MBNL1: variants seen among roughly 807,000 people sequenced by gnomAD.
The protein encoded by MBNL1 is muscleblind like splicing regulator 1, also known as muscleblind-like protein 1.
A neutral mutation model predicts 42.2 loss-of-function variants in MBNL1; 8 were observed. The observed-to-expected ratio is 0.19, with a 90% CI of 0.11 to 0.34. The LOEUF (loss-of-function observed/expected upper bound fraction) is 0.34. Among genes scored for constraint, MBNL1 ranks in the 10% least tolerant of loss-of-function variants. The pLI, the probability that MBNL1 is intolerant of heterozygous loss-of-function variation, is 1.00. For missense variants in MBNL1, 309 were observed against 495.3 expected, an observed-to-expected ratio of 0.62 and a Z score of 3.57; for synonymous variants, 169 against 173.9, an observed-to-expected ratio of 0.97 and a Z score of 0.22.
chr3:152,292,436 C>G (rs2056492418), intron 1 of MBNL1, among the ~76,000 whole-genome samples: 1 of 152,174 alleles, frequency 6.6e-6, no homozygotes, highest in African/African-American at 2.4e-5. Context: ...CTACAGTAGA[C>G]CACTAGGTGA....
chr3:152,293,786 T>C (rs1289728100), intron 1 of MBNL1, among the ~76,000 whole-genome samples: 1 of 152,212 alleles, frequency 6.6e-6, no homozygotes, highest in African/African-American at 2.4e-5. Context: ...ATATTTGCTT[T>C]AGAAGAACTT....
chr3:152,457,048 T>G (rs1032398238), intron 8 of MBNL1, among the ~76,000 whole-genome samples: 7 of 152,112 alleles, frequency 4.6e-5, no homozygotes, highest in Admixed American at 1.3e-4. Context: ...CCATGCAAAT[T>G]TATTGCAGGA....
chr3:152,441,958 A>G (rs908175394), intron 4 of MBNL1, among the ~76,000 whole-genome samples: 1 of 151,998 alleles, frequency 6.6e-6, no homozygotes, highest in African/African-American at 2.4e-5. Flanking sequence ...ATGCCCAGCT[A>G]ATTTTTGTAT....
At chr3:152,305,097 A>G (rs573106781) in intron 2 of MBNL1, among the ~76,000 whole-genome samples, 2 of 152,306 alleles carry the variant, frequency 1.3e-5, no homozygotes, top group South Asian at 4.1e-4. Flanking sequence ...TGTGGCACTT[A>G]CAGCTGAATT....
chr3:152,451,175 A>G (rs1147310), intron 6 of MBNL1, among the ~76,000 whole-genome samples: 1 of 151,436 alleles, frequency 6.6e-6, no homozygotes, highest in Non-Finnish European at 1.5e-5. Context: ...ATGTGTAGAT[A>G]TATTTTATTC....
At chr3:152,457,763 A>G (rs1306999712) in intron 8 of MBNL1, 1 of 198,058 alleles carries the variant, frequency 5.0e-6, no homozygotes, top group African/African-American at 2.3e-5. Context: ...AAGAACTCTC[A>G]TGCGTCTACC....
At chr3:152,401,957 G>A (rs1034895359) in intron 2 of MBNL1, among the ~76,000 whole-genome samples, 3 of 151,526 alleles carry the variant, frequency 2.0e-5, no homozygotes, top group African/African-American at 7.3e-5. Context: ...GCGTGAACCT[G>A]GGAGGCAGAG....
At position 152,302,828 on chromosome 3, in the gene MBNL1, C is replaced by G. The variant is rs566000120; in HGVS notation, c.174+2461C>G. Among the ~76,000 whole-genome samples the G allele has an allele frequency of 2.2e-4, 34 of 152,054 alleles. No individual in the cohort carries two copies. In the South Asian group the frequency reaches 6.7e-3, roughly 30 times the overall value. ...TCCATAGTCCAGCCTTTTCTGAGTT[C>G]TTGAGCCATGAGATGGAGGTGGCCT... On this transcript the variant is annotated intron_variant, in intron 2 of 9. Coordinates refer to ENST00000324210, the MANE Select transcript of MBNL1 (RefSeq NM_021038.5).
intron 2 of MBNL1, among the ~76,000 whole-genome samples, chr3:152,333,778 T>C (rs1463247953): frequency 6.6e-6 from 1 of 152,244 alleles, no homozygotes; most frequent in Non-Finnish European, 1.5e-5. Flanking sequence ...ATCTTAATTT[T>C]ATGTAAACAT....
In MBNL1 at chr3:152,333,651, A is replaced by G. The variant is rs1190018628; in HGVS notation, c.174+33284A>G. 2.6e-5 allele frequency among the ~76,000 whole-genome samples: 4 copies of G among 152,202 alleles called. 1 individual carries two copies. Among genetic ancestry groups the G allele is most frequent in the Admixed American group, 2.6e-4 (4 of 15,266 alleles). On this transcript the variant is annotated intron_variant, in intron 2 of 9. Coordinates refer to ENST00000324210, the MANE Select transcript of MBNL1 (RefSeq NM_021038.5). ...ATCAGATATACCCTATTAAATGGCA[A>G]TGTGTCTACCTTGTTAGGTTATTGT...
chr3:152,358,067 T>C (rs2095655610), intron 2 of MBNL1, among the ~76,000 whole-genome samples: 1 of 152,204 alleles, frequency 6.6e-6, no homozygotes, highest in Admixed American at 6.5e-5. Context: ...ATGAGTATGC[T>C]TGTAGGACGT....
chr3:152,399,558 G>C (rs1361892211), intron 2 of MBNL1, among the ~76,000 whole-genome samples: 3 of 151,764 alleles, frequency 2.0e-5, no homozygotes, highest in Non-Finnish European at 4.4e-5. Context: ...TGTCACCCAG[G>C]CTGGAGTATA....
chr3:152,244,894 C>A (rs530466805), intron 2 of MBNL1, among the ~76,000 whole-genome samples: 3 of 151,850 alleles, frequency 2.0e-5, no homozygotes, highest in African/African-American at 7.2e-5. Context: ...TGTTTTTACC[C>A]ACCGTGAAAA....
chr3:152,338,567 G>A, intron 2 of MBNL1: 1 of 985,302 alleles, frequency 1.0e-6, no homozygotes, highest in Non-Finnish European at 1.2e-6. Flanking sequence ...AGCAGGTGTT[G>A]GGATTTCTCC....
At chr3:152,349,085 G>C (rs2094619788) in intron 2 of MBNL1, among the ~76,000 whole-genome samples, 1 of 152,074 alleles carries the variant, frequency 6.6e-6, no homozygotes, top group Non-Finnish European at 1.5e-5. Context: ...GGCTGACAGG[G>C]AAGCAAGATC....
intron 2 of MBNL1, among the ~76,000 whole-genome samples, chr3:152,341,243 G>A (rs995245459): frequency 6.6e-6 from 1 of 152,134 alleles, no homozygotes; most frequent in African/African-American, 2.4e-5. Flanking sequence ...CAAGCTAGTG[G>A]TTAGCATTAT....
chr3:152,391,009 G>GTGC (rs1231799007), intron 2 of MBNL1, among the ~76,000 whole-genome samples: 2 of 152,192 alleles, frequency 1.3e-5, no homozygotes, highest in African/African-American at 4.8e-5. Flanking sequence ...TGTTCTCTAG[G>GTGC]TGCTAGGTAT....
At chr3:152,400,454 T>C (rs1383135127) in intron 2 of MBNL1, among the ~76,000 whole-genome samples, 2 of 152,252 alleles carry the variant, frequency 1.3e-5, no homozygotes, top group Non-Finnish European at 2.9e-5. Context: ...GTATAGAATC[T>C]ATTATTACTT....
At position 152,344,128 on chromosome 3, in the gene MBNL1, GAT is replaced by G. The variant is rs778984674; in HGVS notation, c.174+43766_174+43767del. Among the ~76,000 whole-genome samples the G allele has an allele frequency of 2.0e-4, 30 of 152,140 alleles. 1 individual carries two copies. The highest frequency in any genetic ancestry group is 9.8e-4 in the Admixed American group (15 of 15,270). ...TTAACTATAATTTTACTACTTGTTT[GAT>G]ATATGTTTCCCAGAAATATGGTGAA... On this transcript the variant is annotated intron_variant, in intron 2 of 9. Transcript: ENST00000324210.
Sources: allele counts gnomAD v4.1 joint callset (sites outside exome capture counted in the v4.1 genomes callset), GRCh38; gene constraint gnomAD v4.1.1; transcripts MANE v1.5; gene names NCBI Gene and HGNC (gene_info 2026-07-23, HGNC 2026-07-21).